QTMAN: variants seen among roughly 807,000 people sequenced by gnomAD.
QTMAN encodes the protein queuosine-tRNA mannosyltransferase, also known as tRNA-queuosine alpha-mannosyltransferase.
chr2:144,100,118 T>G, the QTMAN span, among the ~76,000 whole-genome samples: 1 of 152,144 alleles, frequency 6.6e-6, no homozygotes, highest in Non-Finnish European at 1.5e-5. Context: ...GAAATTAAAG[T>G]CTATCTTCTC....
chr2:144,133,258 T>TATATATAAATATATATTTATATATAC, the QTMAN span, among the ~76,000 whole-genome samples: 10 of 58,728 alleles, frequency 1.7e-4, no homozygotes, highest in Admixed American at 5.8e-4. Flanking sequence ...TATATATAAA[T>TATATATAAATATATATTTATATATAC]ATATATAAAT....
the QTMAN span, among the ~76,000 whole-genome samples, chr2:144,104,207 A>G: frequency 6.6e-6 from 1 of 152,144 alleles, no homozygotes; most frequent in Non-Finnish European, 1.5e-5. Flanking sequence ...TGATTTCTGC[A>G]TTTCCAACTG....
the QTMAN span, among the ~76,000 whole-genome samples, chr2:144,198,244 G>T: frequency 6.6e-6 from 1 of 151,992 alleles, no homozygotes; most frequent in Non-Finnish European, 1.5e-5. Context: ...TACCAGCAAT[G>T]TAATGTAATT....
the QTMAN span, among the ~76,000 whole-genome samples, chr2:144,077,117 C>G: frequency 6.6e-6 from 1 of 150,794 alleles, no homozygotes; most frequent in African/African-American, 2.4e-5. Context: ...CAACTTGAGA[C>G]CTTTATGTTA....
the QTMAN span, among the ~76,000 whole-genome samples, chr2:144,258,520 C>T: frequency 1.3e-5 from 2 of 152,134 alleles, no homozygotes; most frequent in South Asian, 2.1e-4. Flanking sequence ...GGTCAGGCAA[C>T]GTCTTTCAGA....
At chr2:144,275,664 G>T in the QTMAN span, among the ~76,000 whole-genome samples, 1 of 152,056 alleles carries the variant, frequency 6.6e-6, no homozygotes, top group Non-Finnish European at 1.5e-5. Flanking sequence ...TCTGCCTACT[G>T]CTCAGTCTTA....
At chr2:144,171,138 G>A in the QTMAN span, among the ~76,000 whole-genome samples, 1 of 152,148 alleles carries the variant, frequency 6.6e-6, no homozygotes, top group Non-Finnish European at 1.5e-5. Context: ...AATGAAATGT[G>A]CTGATATATG....
the QTMAN span, among the ~76,000 whole-genome samples, chr2:144,201,578 A>C: frequency 4.6e-5 from 7 of 152,190 alleles, no homozygotes; most frequent in African/African-American, 1.4e-4. Flanking sequence ...GCTTTCTTTC[A>C]ATCAACAAAG....
chr2:144,161,542 G>A, the QTMAN span, among the ~76,000 whole-genome samples: 1 of 152,120 alleles, frequency 6.6e-6, no homozygotes, highest in African/African-American at 2.4e-5. Context: ...AGGGAGGAAA[G>A]GATATGAATG....
the QTMAN span, chr2:144,235,788 G>T: frequency 6.6e-6 from 1 of 152,440 alleles, no homozygotes; most frequent in Non-Finnish European, 1.5e-5. Context: ...AACCCAGCCT[G>T]AATTCTCAAT....
the QTMAN span, among the ~76,000 whole-genome samples, chr2:143,979,736 A>G: frequency 1.3e-5 from 2 of 152,240 alleles, no homozygotes; most frequent in Non-Finnish European, 2.9e-5. Flanking sequence ...TCTCATTTTA[A>G]AATAGTTCTA....
chr2:144,090,068 G>A, the QTMAN span, among the ~76,000 whole-genome samples: 11 of 151,838 alleles, frequency 7.2e-5, no homozygotes, highest in East Asian at 1.9e-3. Flanking sequence ...AAAAGCAATC[G>A]ATGTAATCCA....
the QTMAN span, among the ~76,000 whole-genome samples, chr2:144,253,805 A>T: frequency 3.9e-5 from 6 of 152,142 alleles, no homozygotes; most frequent in Admixed American, 3.9e-4. Context: ...AACCAGCTGC[A>T]GAAATTTTCG....
the QTMAN span, among the ~76,000 whole-genome samples, chr2:144,133,788 A>G: frequency 3.3e-5 from 5 of 151,412 alleles, no homozygotes; most frequent in African/African-American, 1.2e-4. Flanking sequence ...AATGACATTC[A>G]AAAGAAACAC....
chr2:143,961,376 T>G, the QTMAN span, among the ~76,000 whole-genome samples: 1 of 152,162 alleles, frequency 6.6e-6, no homozygotes, highest in East Asian at 1.9e-4. Context: ...CTATAGGAAC[T>G]GAAAACCAAG....
chr2:144,281,854 T>G, the QTMAN span, among the ~76,000 whole-genome samples: 1 of 152,226 alleles, frequency 6.6e-6, no homozygotes, highest in African/African-American at 2.4e-5. Context: ...AAAATAATTT[T>G]TTTTTCTTAA....
the QTMAN span, chr2:144,177,333 A>C: frequency 1.5e-5 from 9 of 600,666 alleles, no homozygotes; most frequent in South Asian, 1.9e-4. Flanking sequence ...ACTATGAAAA[A>C]CAATAGCCAA....
At chr2:144,153,614 C>T in the QTMAN span, among the ~76,000 whole-genome samples, 2 of 152,100 alleles carry the variant, frequency 1.3e-5, no homozygotes, top group Non-Finnish European at 2.9e-5. Context: ...TGGCGTGAAC[C>T]CAGGAGGCAC....
chr2:144,116,698 A>G, the QTMAN span, among the ~76,000 whole-genome samples: 1 of 152,186 alleles, frequency 6.6e-6, no homozygotes, highest in Non-Finnish European at 1.5e-5. Context: ...GATTTTTTGT[A>G]TCTTCATATC....
Sources: allele counts gnomAD v4.1 joint callset (sites outside exome capture counted in the v4.1 genomes callset), GRCh38; gene constraint gnomAD v4.1.1; transcripts MANE v1.5; gene names NCBI Gene and HGNC (gene_info 2026-07-23, HGNC 2026-07-21).